Variants in PDGFRA observed in about 807,000 individuals in gnomAD.
PDGFRA encodes the protein platelet-derived growth factor receptor alpha.
PDGFRA carries 25 observed loss-of-function variants against 121.5 expected under a neutral mutation model. The observed-to-expected ratio is 0.21, with a 90% CI of 0.15 to 0.29. PDGFRA has a LOEUF of 0.29. Ranked by LOEUF, PDGFRA falls within the 10% of genes least tolerant of loss-of-function variation. The pLI, the probability that PDGFRA is intolerant of heterozygous loss-of-function variation, is 1.00. For missense variants in PDGFRA, 1,008 were observed against 1,345.1 expected (o/e 0.75, Z 3.92); for synonymous variants, 463 against 494.8 (o/e 0.94, Z 0.85).
Position 54,263,525 on chromosome 4 carries a change from A to G in PDGFRA, c.368-142A>G. On this transcript the variant is annotated intron_variant, in intron 3 of 22. Coordinates refer to ENST00000257290, the MANE Select transcript of PDGFRA (RefSeq NM_006206.6). ...TGTAGCTGTCATGATAACTAATGCC[A>G]GTGGGGCAATTCTTCTGGATATATG... The G allele has an allele frequency of 4.9e-6, 4 of 808,976 alleles. No individual in the cohort carries two copies. The South Asian group carries it at 5.8e-5, about 12-fold the overall frequency. 50.1% of individuals were successfully genotyped at this position (808,976 alleles called of 1,614,324 possible).
At chr4:54,235,583 T>A (rs898137117) in intron 1 of PDGFRA, among the ~76,000 whole-genome samples, 9 of 152,364 alleles carry the variant, frequency 5.9e-5, no homozygotes, top group African/African-American at 2.2e-4. Context: ...CATCTTTGAA[T>A]GGTCTTTATA....
chr4:54,285,976 T>A lies in PDGFRA; in HGVS notation c.2562+13T>A, dbSNP rs2110338525. 6.2e-7 allele frequency: 1 copy of A among 1,613,454 alleles called. No homozygotes were observed. Among genetic ancestry groups the A allele is most frequent in the Non-Finnish European group, 8.5e-7 (1 of 1,179,356 alleles). On this transcript the variant is annotated intron_variant, in intron 18 of 22. Coordinates refer to ENST00000257290, the MANE Select transcript of PDGFRA (RefSeq NM_006206.6). ...GTCGAAAGGCAGTGTACGTCCTCACTTCCCTCACTGGTCAGGCTCATCCTC... is the reference window on the plus strand; with the variant it reads ...GTCGAAAGGCAGTGTACGTCCTCACATCCCTCACTGGTCAGGCTCATCCTC...
chr4:54,292,127 A>G (rs1406580873), intron 22 of PDGFRA, among the ~76,000 whole-genome samples: 1 of 152,230 alleles, frequency 6.6e-6, no homozygotes, highest in Non-Finnish European at 1.5e-5. Flanking sequence ...CCAAAGACCT[A>G]GAGGCAGAAA....
At chr4:54,249,178 G>T (rs1721893610) in intron 1 of PDGFRA, among the ~76,000 whole-genome samples, 2 of 151,792 alleles carry the variant, frequency 1.3e-5, no homozygotes. Flanking sequence ...TAAACTATTT[G>T]GTTGGTGGGA....
Position 54,273,633 on chromosome 4 carries a change from T to C in PDGFRA, c.1461T>C (p.Arg487=), listed in dbSNP as rs751747399. The change falls in exon 10 of 23, where the codon CGT becomes CGC. Residue 487 remains arginine, a synonymous_variant. Transcript: ENST00000257290. ...GAGACAGGAGTACCGTGGAGGGCCG[T>C]GTGACTTTCGCCAAAGTGGAGGAGA... ...HSRDRSTVEG[R]VTFAKVEETI... 3.1e-6 allele frequency: 5 copies of C among 1,613,606 alleles called. No individual in the cohort carries two copies. In the African/African-American group the frequency reaches 5.4e-5, roughly 17 times the overall value.
intron 7 of PDGFRA, 112 bp downstream of exon 7, chr4:54,267,853 A>C (rs183683081): frequency 3.2e-4 from 270 of 835,486 alleles, no homozygotes; most frequent in Non-Finnish European, 4.4e-4. Context: ...AAATGTAACA[A>C]TCTGAGTTAA....
intron 21 of PDGFRA, among the ~76,000 whole-genome samples, chr4:54,289,992 C>T (rs1724543845): frequency 6.6e-6 from 1 of 152,234 alleles, no homozygotes; most frequent in Non-Finnish European, 1.5e-5. Context: ...GGCCTCACTG[C>T]CTCTCTATGG....
At chr4:54,266,158 C>T (rs4864864) in intron 5 of PDGFRA, among the ~76,000 whole-genome samples, 27,243 of 152,136 alleles carry the variant, frequency 0.18, 2,946 homozygotes, top group Admixed American at 0.28. Flanking sequence ...ACACTGCTTT[C>T]TATTTATAGG....
intron 1 of PDGFRA, among the ~76,000 whole-genome samples, chr4:54,258,112 C>T (rs1239736636): frequency 6.6e-6 from 1 of 152,146 alleles, no homozygotes; most frequent in Non-Finnish European, 1.5e-5. Context: ...CCCACTTTCT[C>T]TCCCTTCTTC....
chr4:54,281,703 T>C, intron 16 of PDGFRA: 1 of 1,361,870 alleles, frequency 7.3e-7, no homozygotes, highest in South Asian at 1.2e-5. Context: ...AAATCGTGAA[T>C]GGCTAGAGCT....
rs2110299381 is a variant in PDGFRA, at chr4:54,274,861, C to T, written c.1674C>T (p.Arg558=). 6.2e-7 allele frequency: 1 copy of T among 1,614,054 alleles called. No individual in the cohort carries two copies. Among genetic ancestry groups the T allele is most frequent in the Non-Finnish European group, 8.5e-7 (1 of 1,179,952 alleles). ...TATAGAAACCGAGGTATGAAATTCG[C>T]TGGAGGGTCATTGAATCAATCAGCC... ...IWKQKPRYEI[R]WRVIESISPD... is the part of the protein sequence containing the mutation. Residue 558 remains arginine, a synonymous_variant, in exon 12 of 23, where the codon CGC becomes CGT. Transcript: ENST00000257290.
At chr4:54,238,889 G>A (rs1721149886) in intron 1 of PDGFRA, among the ~76,000 whole-genome samples, 1 of 152,126 alleles carries the variant, frequency 6.6e-6, no homozygotes, top group African/African-American at 2.4e-5. Flanking sequence ...TGGGTGGCAG[G>A]CTGAGATGGG....
chr4:54,269,220 T>C (rs1381067511), intron 7 of PDGFRA, among the ~76,000 whole-genome samples: 1 of 152,192 alleles, frequency 6.6e-6, no homozygotes, highest in Non-Finnish European at 1.5e-5. Context: ...CAGCCTGCTG[T>C]CTTCGTAGGT....
intron 1 of PDGFRA, among the ~76,000 whole-genome samples, chr4:54,231,646 C>T (rs1381166792): frequency 1.3e-5 from 2 of 152,258 alleles, no homozygotes; most frequent in Non-Finnish European, 2.9e-5. Context: ...CTCGACTCCC[C>T]GACAGGCGCA....
chr4:54,241,844 C>T (rs921083322), intron 1 of PDGFRA, among the ~76,000 whole-genome samples: 32 of 152,150 alleles, frequency 2.1e-4, no homozygotes, highest in Non-Finnish European at 8.8e-5. Flanking sequence ...CCACCTCATG[C>T]ACCCAGCCAG....
At chr4:54,248,204 G>T (rs965399222) in intron 1 of PDGFRA, among the ~76,000 whole-genome samples, 1 of 152,086 alleles carries the variant, frequency 6.6e-6, no homozygotes, top group Non-Finnish European at 1.5e-5. Context: ...TCACAGAATT[G>T]GAAAAAACTA....
intron 17 of PDGFRA, 123 bp downstream of exon 17, chr4:54,285,609 C>G: frequency 4.1e-6 from 3 of 738,952 alleles, no homozygotes; most frequent in South Asian, 2.9e-5. Flanking sequence ...TTACCTGTCT[C>G]TCTCCTTCAT....
At chr4:54,282,012 A>C in intron 16 of PDGFRA, 1 of 990,216 alleles carries the variant, frequency 1.0e-6, no homozygotes, top group Non-Finnish European at 1.2e-6. Flanking sequence ...TGCTCCATGT[A>C]TTTCATCATG....
At chr4:54,268,784 T>A (rs1459057852) in intron 7 of PDGFRA, among the ~76,000 whole-genome samples, 4 of 152,188 alleles carry the variant, frequency 2.6e-5, no homozygotes, top group African/African-American at 9.7e-5. Context: ...GGAACTTCCA[T>A]GAGGCTGTGC....
Sources: allele counts gnomAD v4.1 joint callset (sites outside exome capture counted in the v4.1 genomes callset), GRCh38; gene constraint gnomAD v4.1.1; transcripts MANE v1.5; gene names NCBI Gene and HGNC (gene_info 2026-07-23, HGNC 2026-07-21).